DRC8: variants seen among roughly 807,000 people sequenced by gnomAD.
DRC8 encodes dynein regulatory complex subunit 8, also known as dynein regulatory complex protein 8.
chr1:244,969,795 G>C, the DRC8 span: 2 of 312,644 alleles, frequency 6.4e-6, no homozygotes, highest in African/African-American at 4.4e-5. Flanking sequence ...TCTGGGAAAG[G>C]ACGGTGAAGA....
chr1:245,077,494 TC>T, the DRC8 span, among the ~76,000 whole-genome samples: 1 of 152,068 alleles, frequency 6.6e-6, no homozygotes, highest in Non-Finnish European at 1.5e-5. Context: ...GCAAAAGTAA[TC>T]AAAACAGTGT....
At chr1:245,122,271 T>C in the DRC8 span, 1 of 167,196 alleles carries the variant, frequency 6.0e-6, no homozygotes, top group Non-Finnish European at 1.3e-5. Context: ...TCCATATTCA[T>C]CCAAACATTT....
chr1:245,057,717 C>A, the DRC8 span, among the ~76,000 whole-genome samples: 1 of 151,258 alleles, frequency 6.6e-6, no homozygotes, highest in Non-Finnish European at 1.5e-5. Context: ...TATTTTGATA[C>A]CTGCATACAA....
chr1:245,015,965 CT>C, the DRC8 span, among the ~76,000 whole-genome samples: 75 of 57,210 alleles, frequency 1.3e-3, no homozygotes, highest in East Asian at 6.3e-3. Context: ...GCCTACAGGG[CT>C]TTTTTTTTTT....
chr1:245,083,187 A>G, the DRC8 span, among the ~76,000 whole-genome samples: 43 of 152,274 alleles, frequency 2.8e-4, no homozygotes, highest in South Asian at 8.3e-3. Flanking sequence ...TTAGATTATC[A>G]TAGGAATGCG....
At chr1:245,095,045 G>A in the DRC8 span, among the ~76,000 whole-genome samples, 1 of 152,222 alleles carries the variant, frequency 6.6e-6, no homozygotes, top group Non-Finnish European at 1.5e-5. Context: ...TGGAGACTGG[G>A]GCACCAGGCT....
the DRC8 span, among the ~76,000 whole-genome samples, chr1:245,018,013 G>T: frequency 1.3e-5 from 2 of 152,102 alleles, no homozygotes; most frequent in South Asian, 4.1e-4. Flanking sequence ...GATCACCTAA[G>T]GTCAGGAGTT....
chr1:245,058,234 C>A, the DRC8 span, among the ~76,000 whole-genome samples: 3 of 151,598 alleles, frequency 2.0e-5, no homozygotes, highest in Non-Finnish European at 4.4e-5. Context: ...AAAAGCAAGA[C>A]CCTTTCTAAA....
At chr1:244,972,801 G>GT in the DRC8 span, among the ~76,000 whole-genome samples, 2 of 146,782 alleles carry the variant, frequency 1.4e-5, no homozygotes, top group African/African-American at 5.1e-5. Flanking sequence ...TGGCGACAGA[G>GT]TAAGACTCCG....
chr1:245,115,939 T>C, the DRC8 span, among the ~76,000 whole-genome samples: 19 of 150,154 alleles, frequency 1.3e-4, no homozygotes, highest in African/African-American at 4.7e-4. Flanking sequence ...TAGGCTGGAG[T>C]GCAGTGGCGT....
the DRC8 span, among the ~76,000 whole-genome samples, chr1:245,108,642 TG>T: frequency 6.6e-6 from 1 of 152,188 alleles, no homozygotes; most frequent in Non-Finnish European, 1.5e-5. Flanking sequence ...TCCAGCTGAA[TG>T]TTGTGCTGGT....
chr1:245,081,122 T>C, the DRC8 span, among the ~76,000 whole-genome samples: 1 of 149,440 alleles, frequency 6.7e-6, no homozygotes, highest in South Asian at 2.1e-4. Flanking sequence ...ATTTTTATTT[T>C]ATTTTATTAT....
At chr1:245,105,636 A>AC in the DRC8 span, among the ~76,000 whole-genome samples, 4 of 150,866 alleles carry the variant, frequency 2.7e-5, no homozygotes, top group African/African-American at 7.3e-5. Context: ...AAAAAAAAAA[A>AC]AACAAAAAAC....
At chr1:245,074,681 G>A in the DRC8 span, among the ~76,000 whole-genome samples, 2 of 152,160 alleles carry the variant, frequency 1.3e-5, no homozygotes, top group Non-Finnish European at 2.9e-5. Flanking sequence ...GTGCAGCCTC[G>A]TGGTTGCACA....
the DRC8 span, among the ~76,000 whole-genome samples, chr1:244,991,857 T>G: frequency 1.3e-5 from 2 of 152,294 alleles, no homozygotes; most frequent in Admixed American, 6.5e-5. Context: ...CTTGTAAAGG[T>G]TTTTCTGGTT....
At chr1:245,103,108 A>G in the DRC8 span, among the ~76,000 whole-genome samples, 35 of 132,450 alleles carry the variant, frequency 2.6e-4, no homozygotes, top group African/African-American at 6.9e-4. Context: ...GTCAGGAGGG[A>G]GACCAGAGAG....
the DRC8 span, among the ~76,000 whole-genome samples, chr1:245,009,351 G>A: frequency 6.6e-6 from 1 of 150,842 alleles, no homozygotes; most frequent in Non-Finnish European, 1.5e-5. Flanking sequence ...CTTTTTCACT[G>A]TGCCTTTGTC....
At chr1:245,080,327 G>A in the DRC8 span, among the ~76,000 whole-genome samples, 2 of 152,172 alleles carry the variant, frequency 1.3e-5, no homozygotes, top group Non-Finnish European at 2.9e-5. Flanking sequence ...GAACCCACGG[G>A]CAGGGATCTG....
At chr1:245,009,416 A>C in the DRC8 span, among the ~76,000 whole-genome samples, 1 of 150,960 alleles carries the variant, frequency 6.6e-6, no homozygotes, top group African/African-American at 2.4e-5. Flanking sequence ...TCATCTAAAA[A>C]CTTCTCCTTT....
Sources: allele counts gnomAD v4.1 joint callset (sites outside exome capture counted in the v4.1 genomes callset), GRCh38; gene constraint gnomAD v4.1.1; transcripts MANE v1.5; gene names NCBI Gene and HGNC (gene_info 2026-07-23, HGNC 2026-07-21).